Variants in KCND2 observed in about 807,000 individuals in gnomAD.
The protein encoded by KCND2 is potassium voltage-gated channel subfamily D member 2, also known as A-type voltage-gated potassium channel KCND2.
A neutral mutation model predicts 54.4 loss-of-function variants in KCND2; 16 were observed. The observed-to-expected ratio is 0.29, with a 90% CI of 0.20 to 0.45. The LOEUF (loss-of-function observed/expected upper bound fraction) is 0.45, where lower values mean the gene tolerates loss of function less well. KCND2 is among the 20% of genes least tolerant of loss of function. The pLI, the probability that KCND2 is intolerant of heterozygous loss-of-function variation, is 1.00. For synonymous variants in KCND2, 317 were observed against 310.7 expected, an observed-to-expected ratio of 1.02 and a Z score of -0.21; for missense variants, 486 against 824.2, an observed-to-expected ratio of 0.59 and a Z score of 5.02.
intron 1 of KCND2, among the ~76,000 whole-genome samples, chr7:120,432,055 T>C (rs1801798330): frequency 6.6e-6 from 1 of 152,234 alleles, no homozygotes; most frequent in Non-Finnish European, 1.5e-5. Flanking sequence ...TAGATATGTC[T>C]TCTGAATAAA....
intron 1 of KCND2, among the ~76,000 whole-genome samples, chr7:120,487,830 A>G (rs1802716283): frequency 6.6e-6 from 1 of 152,186 alleles, no homozygotes; most frequent in African/African-American, 2.4e-5. Context: ...GCTGTTTTCA[A>G]ATAACATAGA....
At chr7:120,712,241 ATTTTTTTTTTTTTTTTTTTTTTTTTT>A (rs869059871) in intron 1 of KCND2, among the ~76,000 whole-genome samples, 2 of 34,762 alleles carry the variant, frequency 5.8e-5, no homozygotes, top group Non-Finnish European at 1.1e-4. Flanking sequence ...GGATATCTGA[ATTTTTTTTTTTTTTTTTTTTTTTTTT>A]TTTTTTTTTT....
chr7:120,557,112 T>TTG (rs1217544292), intron 1 of KCND2, among the ~76,000 whole-genome samples: 2 of 152,138 alleles, frequency 1.3e-5, no homozygotes, highest in Non-Finnish European at 2.9e-5. Context: ...TCAAAACATT[T>TTG]TGTGTGTTAC....
At chr7:120,309,474 T>TATATATATACACAC (rs1257702636) in intron 1 of KCND2, among the ~76,000 whole-genome samples, 3 of 113,278 alleles carry the variant, frequency 2.6e-5, no homozygotes, top group African/African-American at 1.0e-4. Context: ...TATATATATA[T>TATATATATACACAC]ACACACACAC....
chr7:120,653,995 A>C (rs1230504200), intron 1 of KCND2, among the ~76,000 whole-genome samples: 1 of 152,212 alleles, frequency 6.6e-6, no homozygotes, highest in African/African-American at 2.4e-5. Context: ...ACCCAGCTTT[A>C]AATTGTGACT....
chr7:120,520,555 G>A (rs1044789828), intron 1 of KCND2, among the ~76,000 whole-genome samples: 4 of 151,986 alleles, frequency 2.6e-5, no homozygotes, highest in Non-Finnish European at 5.9e-5. Context: ...GCAATGGAAA[G>A]AAATAAAAAG....
intron 1 of KCND2, among the ~76,000 whole-genome samples, chr7:120,336,853 G>A (rs1344576545): frequency 6.6e-6 from 1 of 152,044 alleles, no homozygotes; most frequent in Admixed American, 6.5e-5. Flanking sequence ...TCTCTAGGAG[G>A]CCACTCTCTT....
At chr7:120,739,829 A>G (rs1006547254) in intron 2 of KCND2, among the ~76,000 whole-genome samples, 4 of 149,728 alleles carry the variant, frequency 2.7e-5, no homozygotes, top group Admixed American at 6.6e-5. Context: ...ACACACACAC[A>G]CACGCACTCC....
At chr7:120,559,272 A>G (rs771099614) in intron 1 of KCND2, among the ~76,000 whole-genome samples, 2 of 152,206 alleles carry the variant, frequency 1.3e-5, no homozygotes, top group African/African-American at 2.4e-5. Flanking sequence ...CCATTTAACT[A>G]CGACCATTGA....
chr7:120,499,243 T>A (rs1802895666), intron 1 of KCND2, among the ~76,000 whole-genome samples: 1 of 152,186 alleles, frequency 6.6e-6, no homozygotes, highest in Admixed American at 6.5e-5. Flanking sequence ...AGCCAGCTTC[T>A]ATGAACTTAT....
At chr7:120,741,729 T>C (rs1315432863) in intron 3 of KCND2, 100 bp downstream of exon 3, 7 of 834,868 alleles carry the variant, frequency 8.4e-6, no homozygotes, top group Non-Finnish European at 1.4e-5. Context: ...ATTATGACAA[T>C]GGCTATCCAA....
intron 1 of KCND2, among the ~76,000 whole-genome samples, chr7:120,621,491 A>T (rs956545898): frequency 2.0e-5 from 3 of 152,038 alleles, no homozygotes; most frequent in Non-Finnish European, 4.4e-5. Flanking sequence ...AGGTCGATAC[A>T]CTCTGAAGCC....
chr7:120,604,326 A>AC (rs1242992590), intron 1 of KCND2, among the ~76,000 whole-genome samples: 2 of 134,988 alleles, frequency 1.5e-5, no homozygotes, highest in Non-Finnish European at 3.2e-5. Flanking sequence ...ACATGGCAAA[A>AC]CCCCGTCTTT....
chr7:120,526,825 A>G (rs1196483172), intron 1 of KCND2, among the ~76,000 whole-genome samples: 1 of 152,082 alleles, frequency 6.6e-6, no homozygotes, highest in Non-Finnish European at 1.5e-5. Context: ...GATTTTTTTC[A>G]ATCTTTCTAT....
intron 1 of KCND2, among the ~76,000 whole-genome samples, chr7:120,718,718 T>C (rs960089421): frequency 2.0e-5 from 3 of 151,992 alleles, no homozygotes; most frequent in African/African-American, 7.2e-5. Flanking sequence ...TTAGAAACAA[T>C]TGAGAGGAGA....
chr7:120,742,320 C>A, intron 3 of KCND2, 190 bp from the exon 4 acceptor site: 1 of 593,706 alleles, frequency 1.7e-6, no homozygotes, highest in Non-Finnish European at 3.0e-6. Context: ...AAGACCAGAC[C>A]ATTCATTTGA....
chr7:120,666,048 C>T (rs1791922674), intron 1 of KCND2, among the ~76,000 whole-genome samples: 1 of 151,966 alleles, frequency 6.6e-6, no homozygotes, highest in Admixed American at 6.6e-5. Flanking sequence ...GTAGGTAAGT[C>T]TTTCAAAAAA....
intron 1 of KCND2, among the ~76,000 whole-genome samples, chr7:120,647,391 G>T (rs554993449): frequency 6.6e-6 from 1 of 152,066 alleles, no homozygotes; most frequent in African/African-American, 2.4e-5. Context: ...ATAAGGCGGG[G>T]ATAGACCCAT....
chr7:120,463,293 GT>G (rs901149989), intron 1 of KCND2, among the ~76,000 whole-genome samples: 39 of 151,524 alleles, frequency 2.6e-4, no homozygotes, highest in African/African-American at 9.2e-4. Context: ...ATCTCTCAAA[GT>G]AAATGCAACT....
Sources: gnomAD v4.1 joint callset for allele counts (sites outside exome capture counted in the v4.1 genomes callset) on GRCh38, gnomAD v4.1.1 for gene constraint, MANE v1.5 for transcripts, NCBI Gene and HGNC (gene_info 2026-07-23, HGNC 2026-07-21) for gene names.